GABRP: variants seen among roughly 807,000 people sequenced by gnomAD.
GABRP encodes the protein gamma-aminobutyric acid type A receptor subunit pi, also known as gamma-aminobutyric acid receptor subunit pi.
In GABRP, 52 loss-of-function variants were observed where a neutral mutation model predicts 47.8. The observed-to-expected ratio is 1.09, with a 90% CI of 0.87 to 1.37. The LOEUF (loss-of-function observed/expected upper bound fraction) is 1.37, where lower values mean the gene tolerates loss of function less well. Among genes scored for constraint, GABRP ranks in the 40% most tolerant of loss-of-function variants. GABRP has a pLI of 0.00. For synonymous variants in GABRP, 221 were observed against 205.8 expected (o/e 1.07, Z -0.63); for missense variants, 525 against 542.8 (o/e 0.97, Z 0.33).
At chr5:170,786,824 G>T (rs146121609) in intron 1 of GABRP, among the ~76,000 whole-genome samples, 2 of 152,042 alleles carry the variant, frequency 1.3e-5, no homozygotes, top group African/African-American at 4.8e-5. Context: ...AAAGTAAGCC[G>T]CAAAAAGCAT....
chr5:170,790,657 G>A (rs937895040), intron 3 of GABRP, among the ~76,000 whole-genome samples: 5 of 152,092 alleles, frequency 3.3e-5, no homozygotes, highest in African/African-American at 1.2e-4. Context: ...AGGTTGGGTG[G>A]AAGCATCTTA....
chr5:170,808,759 A>G lies in GABRP; in HGVS notation c.832+7A>G. On this transcript the variant is annotated splice_region_variant and intron_variant, in intron 8 of 9. Transcript: ENST00000265294. ...CCTGCAAGAACCTGCATTGGTAAGC[A>G]GCTCCAACAGGAGATTTCTAAGAAC... 1 of 1,612,842 alleles carries G rather than the reference A, an allele frequency of 6.2e-7. No homozygotes were observed.
chr5:170,784,735 C>T (rs1165829991), intron 1 of GABRP, among the ~76,000 whole-genome samples: 1 of 152,224 alleles, frequency 6.6e-6, no homozygotes, highest in Non-Finnish European at 1.5e-5. Context: ...TTATTGAATG[C>T]TTTCTATTCC....
chr5:170,785,046 G>A (rs1404268355), intron 1 of GABRP, among the ~76,000 whole-genome samples: 2 of 152,218 alleles, frequency 1.3e-5, no homozygotes, highest in Non-Finnish European at 2.9e-5. Context: ...CCATCCCCCA[G>A]CACCTGTACC....
rs3805455 is a variant in GABRP, at chr5:170,813,490, T to C, written c.*1232T>C. 78,491 of 152,126 alleles carry C rather than the reference T, an allele frequency of 0.52. 22,143 individuals carry two copies. The highest frequency in any genetic ancestry group is 0.81 in the South Asian group (3,878 of 4,810). The allele number at this position is 152,126 out of a possible 1,614,324, so 9.4% of individuals were successfully genotyped here. On this transcript the variant is annotated 3_prime_UTR_variant, in exon 10 of 10. Transcript: ENST00000265294. ...CTGAACTTTCTGAGTAACAATGAGA[T>C]ACGTTACAGAACCTATGTTCAGGTT... is the stretch of plus-strand genomic sequence containing the variant.
At chr5:170,790,575 C>A (rs992933657) in intron 3 of GABRP, among the ~76,000 whole-genome samples, 1 of 151,892 alleles carries the variant, frequency 6.6e-6, no homozygotes, top group Non-Finnish European at 1.5e-5. Context: ...AATGAGGCAG[C>A]GGGAGAGGCA....
In GABRP at chr5:170,812,174, T is replaced by C; in HGVS notation, c.1239T>C (p.Asn413=). Residue 413 remains asparagine (N), a synonymous_variant, in exon 10 of 10, where the codon AAT becomes AAC. Transcript: ENST00000265294. ...ATTTCACAATTCAAAACCCCAGTAATGTTGATCACTATTCCAAACTACTGT... is the reference window on the plus strand; with the variant it reads ...ATTTCACAATTCAAAACCCCAGTAACGTTGATCACTATTCCAAACTACTGT... ...VDYFTIQNPS[N]VDHYSKLLFP... 1 of 1,614,064 alleles carries C rather than the reference T, an allele frequency of 6.2e-7. No homozygotes were observed. The highest frequency in any genetic ancestry group is 1.1e-5 in the South Asian group (1 of 91,072).
intron 9 of GABRP, among the ~76,000 whole-genome samples, chr5:170,811,253 C>T (rs1217493857): frequency 2.0e-5 from 3 of 150,186 alleles, no homozygotes; most frequent in Non-Finnish European, 3.0e-5. Context: ...TATGGTAACT[C>T]CCATAAGACC....
intron 6 of GABRP, among the ~76,000 whole-genome samples, chr5:170,799,845 C>G (rs1478912186): frequency 6.6e-6 from 1 of 152,044 alleles, no homozygotes; most frequent in East Asian, 1.9e-4. Context: ...TAAAAGAGGA[C>G]ACAAACAAAT....
At chr5:170,785,860 C>T (rs1765117536) in intron 1 of GABRP, among the ~76,000 whole-genome samples, 1 of 152,298 alleles carries the variant, frequency 6.6e-6, no homozygotes, top group East Asian at 1.9e-4. Flanking sequence ...GGAGAGAGGC[C>T]GTGGGCAAGC....
rs1765916496 is a variant in GABRP at position 170,812,529 on chromosome 5, T to C, written c.*271T>C. Reference sequence around the variant, plus strand: ...CCCATGGAGCCCAAGATTACAAATGTACTCAGGGCTGTTTATTCGGTGGCT... The same window carrying C: ...CCCATGGAGCCCAAGATTACAAATGCACTCAGGGCTGTTTATTCGGTGGCT... On this transcript the variant is annotated 3_prime_UTR_variant, in exon 10 of 10. Coordinates refer to ENST00000265294, the MANE Select transcript of GABRP (RefSeq NM_014211.3). 2 of 377,368 alleles carry C rather than the reference T, an allele frequency of 5.3e-6. No individual in the cohort carries two copies. Among genetic ancestry groups the C allele is most frequent in the Non-Finnish European group, 9.6e-6 (2 of 208,000 alleles). 23.4% of individuals were successfully genotyped at this position (377,368 alleles called of 1,614,324 possible).
At chr5:170,786,702 T>G (rs1765138486) in intron 1 of GABRP, among the ~76,000 whole-genome samples, 1 of 152,142 alleles carries the variant, frequency 6.6e-6, no homozygotes, top group Admixed American at 6.6e-5. Flanking sequence ...ACCTGTAAAA[T>G]GGGGAGAATG....
intron 6 of GABRP, among the ~76,000 whole-genome samples, chr5:170,803,194 A>G (rs1384813624): frequency 6.6e-6 from 1 of 152,198 alleles, no homozygotes; most frequent in Non-Finnish European, 1.5e-5. Context: ...GTTCATGGCT[A>G]TATTTCTCTT....
intron 1 of GABRP, among the ~76,000 whole-genome samples, chr5:170,786,841 G>C (rs929652604): frequency 1.3e-5 from 2 of 152,094 alleles, no homozygotes; most frequent in Admixed American, 6.6e-5. Context: ...GCATGCTATT[G>C]CCCCAATTTT....
chr5:170,808,770 G>C lies in GABRP; in HGVS notation c.832+18G>C, dbSNP rs762162832. The C allele has an allele frequency of 6.2e-7, 1 of 1,610,564 alleles. No homozygotes were observed. The highest frequency in any genetic ancestry group is 1.3e-5 in the African/African-American group (1 of 74,674). On this transcript the variant is annotated intron_variant, in intron 8 of 9. Coordinates refer to ENST00000265294, the MANE Select transcript of GABRP (RefSeq NM_014211.3). The stretch of plus-strand genomic sequence containing the variant: ...CTGCATTGGTAAGCAGCTCCAACAG[G>C]AGATTTCTAAGAACTGGCTTATCAG...
intron 6 of GABRP, among the ~76,000 whole-genome samples, chr5:170,803,715 T>C (rs1765653411): frequency 6.6e-6 from 1 of 151,916 alleles, no homozygotes; most frequent in South Asian, 2.1e-4. Flanking sequence ...TTTCTGGATA[T>C]TTCTTATAAA....
chr5:170,790,350 G>A (rs1765232922), intron 3 of GABRP, among the ~76,000 whole-genome samples: 1 of 152,126 alleles, frequency 6.6e-6, no homozygotes, highest in Admixed American at 6.5e-5. Context: ...TCACAGGGAA[G>A]ACTGAATGAA....
intron 7 of GABRP, among the ~76,000 whole-genome samples, 183 bp from the exon 8 acceptor site, chr5:170,808,417 G>A (rs369827174): frequency 2.6e-5 from 4 of 152,040 alleles, no homozygotes; most frequent in African/African-American, 7.2e-5. Flanking sequence ...GCAGGACAGC[G>A]CCCCTATAAA....
At chr5:170,786,748 A>T (rs1765139694) in intron 1 of GABRP, among the ~76,000 whole-genome samples, 1 of 152,170 alleles carries the variant, frequency 6.6e-6, no homozygotes, top group Non-Finnish European at 1.5e-5. Context: ...AGGATTCTAG[A>T]TATGCGTGGC....
Sources: allele counts gnomAD v4.1 joint callset (sites outside exome capture counted in the v4.1 genomes callset), GRCh38; gene constraint gnomAD v4.1.1; transcripts MANE v1.5; gene names NCBI Gene and HGNC (gene_info 2026-07-23, HGNC 2026-07-21).